The following VEZT variants were observed in gnomAD, a reference collection of about 807,000 sequenced individuals.
VEZT encodes the protein vezatin, adherens junctions transmembrane protein.
In VEZT, 39 loss-of-function variants were observed where a neutral mutation model predicts 79.9. The observed-to-expected ratio is 0.49, with a 90% confidence interval of 0.38 to 0.64. The LOEUF (loss-of-function observed/expected upper bound fraction) is 0.64, where lower values mean the gene tolerates loss of function less well. Among genes scored for constraint, VEZT ranks in the 30% least tolerant of loss-of-function variants. The probability of loss-of-function intolerance (pLI) is 0.00; values close to 1 mark genes in which losing one functional copy is unlikely to be tolerated. For missense variants in VEZT, 837 were observed against 893.1 expected (o/e 0.94, Z 0.80); for synonymous variants, 325 against 327.6 (o/e 0.99, Z 0.09).
intron 5 of VEZT, among the ~76,000 whole-genome samples, chr12:95,269,123 G>C (rs1228414749): frequency 1.3e-5 from 2 of 152,048 alleles, no homozygotes; most frequent in South Asian, 2.1e-4. Context: ...TTATAGCTTT[G>C]TGTTATAGTA....
intron 8 of VEZT, chr12:95,286,722 C>T (rs1480211022): frequency 9.9e-6 from 4 of 404,312 alleles, no homozygotes; most frequent in Admixed American, 3.4e-5. Flanking sequence ...CCATTCCCTG[C>T]GTGTCTATCT....
Position 95,274,747 on chromosome 12 carries a change from C to T in VEZT, c.854C>T (p.Pro285Leu), listed in dbSNP as rs2067292775. 1.9e-6 allele frequency: 3 copies of T among 1,611,528 alleles called. No homozygotes were observed. Among genetic ancestry groups the T allele is most frequent in the South Asian group, 1.1e-5 (1 of 90,398 alleles). ...TTGCCTTAACCTAATTTAACCTACC[C>T]CCTGAACTCTGAGAGTGACAATGTA... ...LATLYMLKNY[P>L]LNSESDNVTN... The change falls in exon 7 of 12, where the codon CCC becomes CTC. Residue 285 changes from proline to leucine, a missense_variant. Coordinates refer to ENST00000436874, the MANE Select transcript of VEZT (RefSeq NM_017599.4).
chr12:95,253,677 G>A (rs1184132436), intron 2 of VEZT, among the ~76,000 whole-genome samples: 1 of 152,116 alleles, frequency 6.6e-6, no homozygotes, highest in Non-Finnish European at 1.5e-5. Flanking sequence ...AGGTATTATT[G>A]TCATTTATGA....
In VEZT at chr12:95,302,773, A is replaced by G. The variant is rs1194077147; in HGVS notation, c.*2100A>G. On this transcript the variant is annotated 3_prime_UTR_variant, in exon 12 of 12. Coordinates refer to ENST00000436874, the MANE Select transcript of VEZT (RefSeq NM_017599.4). ...GAGCCATAGGTAATGTTTATGTCCA[A>G]TAAAATCTAGGAACCTCTGTCTGGA... 6.6e-6 allele frequency: 1 copy of G among 152,200 alleles called. No individual in the cohort carries two copies. The highest frequency in any genetic ancestry group is 2.4e-5 in the African/African-American group (1 of 41,442). 9.4% of individuals were successfully genotyped at this position (152,200 alleles called of 1,614,324 possible). A position where few individuals can be genotyped will look rare whatever the true frequency, so the allele number is the denominator to read the frequency against.
At chr12:95,278,692 C>A (rs1291385194) in intron 7 of VEZT, among the ~76,000 whole-genome samples, 1 of 152,150 alleles carries the variant, frequency 6.6e-6, no homozygotes, top group Non-Finnish European at 1.5e-5. Flanking sequence ...AAGTATTGCA[C>A]CTTTAGAAAG....
chr12:95,250,870 T>C (rs1331147505), intron 1 of VEZT, among the ~76,000 whole-genome samples: 4 of 152,098 alleles, frequency 2.6e-5, no homozygotes. Context: ...TTTATATTAA[T>C]TTAATTTTCA....
At chr12:95,248,748 G>C (rs1390891739) in intron 1 of VEZT, among the ~76,000 whole-genome samples, 2 of 150,250 alleles carry the variant, frequency 1.3e-5, no homozygotes, top group Non-Finnish European at 2.9e-5. Context: ...AGCTACTCAC[G>C]AGGCTGAAGC....
intron 1 of VEZT, among the ~76,000 whole-genome samples, chr12:95,234,770 A>G (rs1274203281): frequency 6.6e-6 from 1 of 152,234 alleles, no homozygotes; most frequent in Middle Eastern, 3.4e-3. Flanking sequence ...AAGTGAACAA[A>G]GGTCTCTGGT....
intron 1 of VEZT, among the ~76,000 whole-genome samples, chr12:95,240,629 GATTAAAATTTCAATGCATAAATTCT>G (rs2060886175): frequency 6.6e-6 from 1 of 152,104 alleles, no homozygotes; most frequent in African/African-American, 2.4e-5. Context: ...ATTAGTAGCT[GATTAAAATTTCAATGCATAAATTCT>G]AATGCAGTTA....
intron 1 of VEZT, 142 bp from the exon 2 acceptor site, chr12:95,251,798 A>G: frequency 1.6e-6 from 1 of 607,694 alleles, no homozygotes; most frequent in Non-Finnish European, 2.7e-6. Flanking sequence ...GTATTATAAC[A>G]GATAATTCAG....
chr12:95,225,530 G>T (rs568547707), intron 1 of VEZT, among the ~76,000 whole-genome samples: 1 of 151,834 alleles, frequency 6.6e-6, no homozygotes, highest in Admixed American at 6.6e-5. Context: ...GCACTCCAGC[G>T]TGGGCGATAG....
At chr12:95,252,112 A>G (rs374806354) in intron 2 of VEZT, 41 bp downstream of exon 2, 4 of 1,579,286 alleles carry the variant, frequency 2.5e-6, no homozygotes, top group Non-Finnish European at 3.4e-6. Context: ...AATCTTTTGC[A>G]CTTTACCTTA....
chr12:95,264,593 T>C (rs2065141459), intron 4 of VEZT, among the ~76,000 whole-genome samples: 1 of 151,878 alleles, frequency 6.6e-6, no homozygotes, highest in South Asian at 2.1e-4. Flanking sequence ...CATGCCACCA[T>C]ACCTGGCTAA....
Position 95,242,373 on chromosome 12 carries a change from A to G in VEZT, c.37-9567A>G, listed in dbSNP as rs1593284509. 3 of 152,416 alleles carry G rather than the reference A, an allele frequency of 2.0e-5. 1 individual carries two copies. Among genetic ancestry groups the G allele is most frequent in the African/African-American group, 7.2e-5 (3 of 41,578 alleles). The allele number at this position is 152,416 out of a possible 1,614,324, so 9.4% of individuals were successfully genotyped here. A position where few individuals can be genotyped will look rare whatever the true frequency, so the allele number is the denominator to read the frequency against. ...AAATAAAATCACCTGAGACTATTAGATAGAAGTTTGTAAGACTCTAATGGG... is the reference window on the plus strand; with the variant it reads ...AAATAAAATCACCTGAGACTATTAGGTAGAAGTTTGTAAGACTCTAATGGG... On this transcript the variant is annotated intron_variant, in intron 1 of 11. Transcript: ENST00000436874.
intron 1 of VEZT, among the ~76,000 whole-genome samples, chr12:95,223,339 TTAG>T (rs1409362933): frequency 6.6e-6 from 1 of 152,226 alleles, no homozygotes; most frequent in Non-Finnish European, 1.5e-5. Flanking sequence ...TGATATATTC[TTAG>T]TAGTCTCTTT....
intron 5 of VEZT, among the ~76,000 whole-genome samples, chr12:95,268,068 A>G (rs933888243): frequency 2.0e-5 from 3 of 152,166 alleles, no homozygotes; most frequent in Non-Finnish European, 4.4e-5. Flanking sequence ...AAAAAAGTAT[A>G]AAAGTTCTTA....
At chr12:95,234,284 C>CTTTTTT (rs10587022) in intron 1 of VEZT, among the ~76,000 whole-genome samples, 2 of 122,954 alleles carry the variant, frequency 1.6e-5, no homozygotes, top group African/African-American at 3.1e-5. Flanking sequence ...TATCAATAAT[C>CTTTTTT]TTTTTTTTTT....
Position 95,282,433 on chromosome 12 carries a change from A to T in VEZT, c.1117A>T (p.Ile373Phe). The stretch of plus-strand genomic sequence containing the variant: ...TACTCCAGCACTTCTGCCTCATCGT[A>T]TCTTATCTGATGTGACTCAAGGTCT... ...LLTPALLPHR[I>F]LSDVTQGLPH... Residue 373 changes from isoleucine (I) to phenylalanine (F), a missense_variant, in exon 8 of 12, where the codon ATC becomes TTC. By Grantham distance (21) the Ile-to-Phe change is conservative (BLOSUM62 0). Transcript: ENST00000436874. 6.2e-7 allele frequency: 1 copy of T among 1,613,846 alleles called. No individual in the cohort carries two copies. Among genetic ancestry groups the T allele is most frequent in the Non-Finnish European group, 8.5e-7 (1 of 1,179,872 alleles).
chr12:95,257,206 G>A lies in VEZT; in HGVS notation c.225G>A (p.Gln75=). The A allele has an allele frequency of 6.2e-7, 1 of 1,610,208 alleles. No homozygotes were observed. The highest frequency in any genetic ancestry group is 1.3e-5 in the African/African-American group (1 of 74,826). Residue 75 remains glutamine, a synonymous_variant, in exon 3 of 12, where the codon CAG becomes CAA. Transcript: ENST00000436874. ...ETIKSWIFFS[Q]CNKKDDLLHK... The stretch of plus-strand genomic sequence containing the variant: ...TCAAAAGTTGGATTTTTTTTTCTCA[G>A]TGCAATAAGAAAGATGACTTACTTC...
Sources: allele counts gnomAD v4.1 joint callset (sites outside exome capture counted in the v4.1 genomes callset), GRCh38; gene constraint gnomAD v4.1.1; transcripts MANE v1.5; gene names NCBI Gene and HGNC (gene_info 2026-07-23, HGNC 2026-07-21).